TMEM30A: variants seen among roughly 807,000 people sequenced by gnomAD.
TMEM30A encodes the protein cell division cycle 50 P4-ATPase accessory subunit A.
Under a neutral mutation model 38.2 loss-of-function variants are expected in TMEM30A, and 24 were observed. The observed-to-expected ratio is 0.63, with a 90% confidence interval of 0.46 to 0.88. The LOEUF (loss-of-function observed/expected upper bound fraction) is 0.88. Ranked by LOEUF, TMEM30A falls within the 40% of genes least tolerant of loss-of-function variation. The pLI, the probability that TMEM30A is intolerant of heterozygous loss-of-function variation, is 0.00. For synonymous variants in TMEM30A, 145 were observed against 161.6 expected (o/e 0.90, Z 0.78); for missense variants, 370 against 458.6 (o/e 0.81, Z 1.77).
intron 1 of TMEM30A, 35 bp from the exon 2 acceptor site, chr6:75,267,783 G>C (rs1391774704): frequency 2.1e-6 from 3 of 1,436,050 alleles, no homozygotes; most frequent in Middle Eastern, 1.8e-4. Flanking sequence ...CACTTCCTTA[G>C]AGAAAGTGGA....
chr6:75,268,256 A>T (rs1169053415), intron 1 of TMEM30A, among the ~76,000 whole-genome samples: 1 of 152,176 alleles, frequency 6.6e-6, no homozygotes, highest in African/African-American at 2.4e-5. Context: ...TTATGCTTGG[A>T]ATTTCCCAGG....
At chr6:75,256,340 G>A (rs963210595) in intron 6 of TMEM30A, 45 bp from the exon 7 acceptor site, 22 of 1,516,114 alleles carry the variant, frequency 1.5e-5, no homozygotes, top group Non-Finnish European at 1.9e-5. Context: ...GTTACTTGAT[G>A]TTTAAAATAC....
In TMEM30A at chr6:75,276,032, C is replaced by A. The variant is rs1407978139; in HGVS notation, c.238-8284G>T. On this transcript the variant is annotated intron_variant, in intron 1 of 6. Coordinates refer to ENST00000230461, the MANE Select transcript of TMEM30A (RefSeq NM_018247.4). ...GAAGACTGAGCTGATCACCAACGGT[C>A]AATTATTGAGTCAATCATGTGTACA... is the stretch of plus-strand genomic sequence containing the variant. Among the ~76,000 whole-genome samples the A allele has an allele frequency of 5.9e-5, 9 of 152,138 alleles. No individual in the cohort carries two copies. The East Asian group carries it at 1.5e-3, about 26-fold the overall frequency.
chr6:75,271,462 T>C (rs1772168337), intron 1 of TMEM30A, among the ~76,000 whole-genome samples: 1 of 152,180 alleles, frequency 6.6e-6, no homozygotes, highest in South Asian at 2.1e-4. Flanking sequence ...TGTCTTTTGA[T>C]GCCATGAAAA....
At position 75,253,262 on chromosome 6, in the gene TMEM30A, T is replaced by G. The variant is rs1437154947; in HGVS notation, c.*2840A>C. 1 of 152,190 alleles carries G rather than the reference T, an allele frequency of 6.6e-6. No homozygotes were observed. Among genetic ancestry groups the G allele is most frequent in the African/African-American group, 2.4e-5 (1 of 41,456 alleles). 9.4% of individuals were successfully genotyped at this position (152,190 alleles called of 1,614,324 possible). Reference sequence around the variant, plus strand: ...GCATTCACTGACCCTATCTCTCAGCTGCTCCTCCTCACTAGTCAGGTTTTT... The same window carrying G: ...GCATTCACTGACCCTATCTCTCAGCGGCTCCTCCTCACTAGTCAGGTTTTT... On this transcript the variant is annotated 3_prime_UTR_variant, in exon 7 of 7. Transcript: ENST00000230461.
intron 1 of TMEM30A, among the ~76,000 whole-genome samples, chr6:75,269,304 T>A (rs970157756): frequency 6.6e-6 from 1 of 152,190 alleles, no homozygotes; most frequent in African/African-American, 2.4e-5. Flanking sequence ...GTACTCTATA[T>A]CCCTCTCTCT....
intron 1 of TMEM30A, among the ~76,000 whole-genome samples, chr6:75,282,596 T>C (rs1772377171): frequency 6.6e-6 from 1 of 152,198 alleles, no homozygotes; most frequent in Non-Finnish European, 1.5e-5. Flanking sequence ...TAAAAGGATC[T>C]TAGTGTAGGG....
intron 1 of TMEM30A, among the ~76,000 whole-genome samples, chr6:75,279,970 A>G: frequency 6.6e-6 from 1 of 152,046 alleles, no homozygotes; most frequent in East Asian, 1.9e-4. Flanking sequence ...TATTTTAAGT[A>G]CTCCCCCTTG....
intron 1 of TMEM30A, among the ~76,000 whole-genome samples, chr6:75,268,441 CAATT>C (rs762370334): frequency 2.0e-5 from 3 of 152,174 alleles, no homozygotes; most frequent in Admixed American, 6.5e-5. Flanking sequence ...TTAGTTCAAT[CAATT>C]AGTCAGTGTT....
rs1772048472 is a variant in TMEM30A, at chr6:75,265,241, C to T, written c.443G>A (p.Ser148Asn). 1 of 1,596,942 alleles carries T rather than the reference C, an allele frequency of 6.3e-7. No individual in the cohort carries two copies. The highest frequency in any genetic ancestry group is 1.3e-5 in the African/African-American group (1 of 74,400). The change falls in exon 3 of 7, where the codon AGT becomes AAT. Residue 148 changes from serine (S) to asparagine (N), a missense_variant. By Grantham distance (46) the Ser-to-Asn change is conservative (BLOSUM62 1). Coordinates refer to ENST00000230461, the MANE Select transcript of TMEM30A (RefSeq NM_018247.4). ...RDDSQLNGDS[S>N]ALLNPSKECE... is the part of the protein sequence containing the mutation. ...TATCATTTTACTTACAAGCAAAGCACTAGAATCTCCATTTAGTTGACTATC... is the reference window on the plus strand; with the variant it reads ...TATCATTTTACTTACAAGCAAAGCATTAGAATCTCCATTTAGTTGACTATC...
At chr6:75,263,548 G>A (rs240390) in intron 3 of TMEM30A, among the ~76,000 whole-genome samples, 133,073 of 152,194 alleles carry the variant, frequency 0.87, 58,898 homozygotes, top group Non-Finnish European at 0.95. Flanking sequence ...GCATGGAAGG[G>A]CACTTAGAAA....
At chr6:75,278,045 A>G (rs1046566726) in intron 1 of TMEM30A, among the ~76,000 whole-genome samples, 2 of 152,234 alleles carry the variant, frequency 1.3e-5, no homozygotes, top group African/African-American at 2.4e-5. Context: ...CAATACTCCT[A>G]TAACTTTTTT....
At chr6:75,258,399 T>G (rs1014634375) in intron 6 of TMEM30A, among the ~76,000 whole-genome samples, 6 of 152,158 alleles carry the variant, frequency 3.9e-5, no homozygotes, top group Non-Finnish European at 7.4e-5. Flanking sequence ...TCCGTTGATT[T>G]TTAATATCTA....
chr6:75,273,990 T>C (rs1772217874), intron 1 of TMEM30A, among the ~76,000 whole-genome samples: 1 of 152,240 alleles, frequency 6.6e-6, no homozygotes, highest in South Asian at 2.1e-4. Flanking sequence ...ACATTGTTCA[T>C]GCTACAAAAG....
At chr6:75,281,837 C>T (rs1772361317) in intron 1 of TMEM30A, among the ~76,000 whole-genome samples, 1 of 152,042 alleles carries the variant, frequency 6.6e-6, no homozygotes, top group South Asian at 2.1e-4. Flanking sequence ...TCTCATTACC[C>T]ATTTACAACT....
At chr6:75,280,029 C>T (rs995603257) in intron 1 of TMEM30A, among the ~76,000 whole-genome samples, 2 of 152,134 alleles carry the variant, frequency 1.3e-5, no homozygotes. Context: ...TTTCGAGAGA[C>T]CTTAATGAAG....
chr6:75,260,860 C>T lies in TMEM30A; in HGVS notation c.505G>A (p.Ala169Thr), dbSNP rs760397606. 1.2e-6 allele frequency: 2 copies of T among 1,601,874 alleles called. No homozygotes were observed. The highest frequency in any genetic ancestry group is 1.7e-6 in the Non-Finnish European group (2 of 1,177,078). Residue 169 changes from alanine (A) to threonine (T), a missense_variant, in exon 4 of 7, where the codon GCT becomes ACT. Transcript: ENST00000230461. ...PYRRNEDKPIAPCGAIANSMF... is the reference protein window; with the variant it reads ...PYRRNEDKPITPCGAIANSMF... ...CTGTTGGCAATAGCTCCACAAGGAG[C>T]AATTGGTTTGTCTTCATTTCTTCGA...
In TMEM30A at chr6:75,253,856, G is replaced by A. The variant is rs1237342019; in HGVS notation, c.*2246C>T. On this transcript the variant is annotated 3_prime_UTR_variant, in exon 7 of 7. Transcript: ENST00000230461. ...CTTGTTGAATAATTTTTTCAATTGG[G>A]AATCTTTTCATAATTCAAAATAGTT... 1 of 152,100 alleles carries A rather than the reference G, an allele frequency of 6.6e-6. No homozygotes were observed. Among genetic ancestry groups the A allele is most frequent in the African/African-American group, 2.4e-5 (1 of 41,360 alleles). 9.4% of individuals were successfully genotyped at this position (152,100 alleles called of 1,614,324 possible). A position where few individuals can be genotyped will look rare whatever the true frequency, so the allele number is the denominator to read the frequency against.
intron 1 of TMEM30A, among the ~76,000 whole-genome samples, chr6:75,277,685 G>A (rs943500915): frequency 7.2e-5 from 11 of 152,130 alleles, no homozygotes; most frequent in African/African-American, 2.7e-4. Flanking sequence ...CAAGAGGACT[G>A]CTTGAGGCCA....
Sources: allele counts gnomAD v4.1 joint callset (sites outside exome capture counted in the v4.1 genomes callset), GRCh38; gene constraint gnomAD v4.1.1; transcripts MANE v1.5; gene names NCBI Gene and HGNC (gene_info 2026-07-23, HGNC 2026-07-21).